Variants in SH3YL1 observed in about 807,000 individuals in gnomAD.
SH3YL1 encodes SH3 and SYLF domain containing 1, also known as SH3 domain-containing YSC84-like protein 1.
Under a neutral mutation model 45.8 loss-of-function variants are expected in SH3YL1, and 41 were observed. The observed-to-expected ratio is 0.89, with a 90% CI of 0.70 to 1.16. SH3YL1 has a LOEUF of 1.16. Among genes scored for constraint, SH3YL1 ranks in the 50% most tolerant of loss-of-function variants. SH3YL1 has a pLI of 0.00. For missense variants in SH3YL1, 389 were observed against 409.6 expected (o/e 0.95, Z 0.43); for synonymous variants, 152 against 151.4 (o/e 1.00, Z -0.03).
chr2:231,033 C>T lies in SH3YL1; in HGVS notation c.692G>A (p.Arg231Lys). The change falls in exon 7 of 10, where the codon AGG (arginine) becomes AAG (lysine). Residue 231 changes from arginine to lysine, a missense_variant. Coordinates refer to ENST00000356150, the MANE Select transcript of SH3YL1 (RefSeq NM_015677.4). ...AAAACCAAACGGTACAGAAGACTTC[C>T]TCTGCTCCCTTGCTGCTTTTCTTGC... ...INARKAAREQ[R>K]KSSAKELPPK... 6.2e-7 allele frequency: 1 copy of T among 1,614,068 alleles called. No homozygotes were observed. The highest frequency in any genetic ancestry group is 8.5e-7 in the Non-Finnish European group (1 of 1,179,984).
chr2:262,866 G>T, intron 1 of SH3YL1: 1 of 446,440 alleles, frequency 2.2e-6, no homozygotes, highest in Non-Finnish European at 3.7e-6. Flanking sequence ...AAAAGATGAG[G>T]GGTAACATTT....
At chr2:234,479 C>T (rs575564706) in intron 4 of SH3YL1, among the ~76,000 whole-genome samples, 27 of 152,270 alleles carry the variant, frequency 1.8e-4, no homozygotes, top group African/African-American at 6.0e-4. Context: ...CAAACCTCAG[C>T]GAGCATTTAC....
Position 253,636 on chromosome 2 carries a change from A to G in SH3YL1, c.2-521T>C, listed in dbSNP as rs141171390. ...GAATAATCCACTCCGTGTTTAGCAT[A>G]TAATTGAAAAACAATTGTAAGTATC... is the stretch of plus-strand genomic sequence containing the variant. On this transcript the variant is annotated intron_variant, in intron 1 of 9. Coordinates refer to ENST00000356150, the MANE Select transcript of SH3YL1 (RefSeq NM_015677.4). Among the ~76,000 whole-genome samples, 314 of 152,342 alleles carry G rather than the reference A, an allele frequency of 2.1e-3. 1 individual carries two copies. In the South Asian group the frequency reaches 0.03, roughly 15 times the overall value.
chr2:240,326 C>A (rs190868430), intron 4 of SH3YL1: 1 of 152,324 alleles, frequency 6.6e-6, no homozygotes, highest in South Asian at 2.1e-4. Flanking sequence ...TCTGGAGCAA[C>A]GGCACAGAGA....
At position 233,182 on chromosome 2, in the gene SH3YL1, G is replaced by C. The variant is rs143830339; in HGVS notation, c.452C>G (p.Thr151Arg). Residue 151 changes from threonine to arginine, a missense_variant, in exon 6 of 10, where the codon ACG (threonine) becomes AGG (arginine). Physicochemically the swap from Thr to Arg is moderately conservative, Grantham distance 71. Transcript: ENST00000356150. ...VALRSSAAVF[T>R]YCKSRGLFAG... ...AAAGAGTCCCCTTGACTTGCAGTAC[G>C]TGAAGACGGCAGCGGAGCTTCTCAG... is the stretch of plus-strand genomic sequence containing the variant. 5.6e-6 allele frequency: 9 copies of C among 1,594,392 alleles called. No homozygotes were observed. The highest frequency in any genetic ancestry group is 6.8e-6 in the Non-Finnish European group (8 of 1,168,596).
At position 258,071 on chromosome 2, in the gene SH3YL1, T is replaced by C. The variant is rs539171332; in HGVS notation, c.2-4956A>G. 5.2e-5 allele frequency among the ~76,000 whole-genome samples: 8 copies of C among 152,382 alleles called. No homozygotes were observed. In the South Asian group the frequency reaches 1.0e-3, roughly 20 times the overall value. The stretch of plus-strand genomic sequence containing the variant: ...ATTACTGTAGCTTTGTAGTATAGTT[T>C]GAAGTCGGGTAGCATGATTCCTCCA... On this transcript the variant is annotated intron_variant, in intron 1 of 9. Coordinates refer to ENST00000356150, the MANE Select transcript of SH3YL1 (RefSeq NM_015677.4).
At chr2:255,861 G>C (rs1434602185) in intron 1 of SH3YL1, 1 of 152,138 alleles carries the variant, frequency 6.6e-6, no homozygotes, top group East Asian at 1.9e-4. Flanking sequence ...AAAACAAGTG[G>C]CATCACAGCA....
rs1056413860 is a variant in SH3YL1, at chr2:249,747, C to T, written c.210G>A (p.Ala70=). The change falls in exon 3 of 10, where the codon GCG becomes GCA. Residue 70 remains alanine, a synonymous_variant. Coordinates refer to ENST00000356150, the MANE Select transcript of SH3YL1 (RefSeq NM_015677.4). ...CCAACTTACTTCCATCTGGAAGGCG[C>T]GCCACTACAATCCCGCTGCCTCCTC... ...TARGGSGIVV[A]RLPDGKWSAP... is the part of the protein sequence containing the mutation. The T allele has an allele frequency of 1.9e-5, 30 of 1,551,448 alleles. No homozygotes were observed. Among genetic ancestry groups the T allele is most frequent in the East Asian group, 7.3e-5 (3 of 40,940 alleles).
At chr2:220,642 C>T (rs1043442517) in intron 9 of SH3YL1, among the ~76,000 whole-genome samples, 22 of 152,342 alleles carry the variant, frequency 1.4e-4, no homozygotes, top group Non-Finnish European at 2.2e-4. Context: ...GGGTACCGGG[C>T]AGGCGCTCAC....
At chr2:231,920 C>T (rs1478077647) in intron 6 of SH3YL1, among the ~76,000 whole-genome samples, 1 of 151,964 alleles carries the variant, frequency 6.6e-6, no homozygotes, top group Admixed American at 6.6e-5. Context: ...TTAAATAGTG[C>T]TGTTCAGTTC....
intron 4 of SH3YL1, among the ~76,000 whole-genome samples, chr2:247,120 T>C (rs1668854337): frequency 6.6e-6 from 1 of 152,172 alleles, no homozygotes; most frequent in South Asian, 2.1e-4. Flanking sequence ...TTAAAGAATG[T>C]GGAGGGATTT....
At chr2:247,185 C>T (rs1188761948) in intron 4 of SH3YL1, among the ~76,000 whole-genome samples, 1 of 152,208 alleles carries the variant, frequency 6.6e-6, no homozygotes, top group Non-Finnish European at 1.5e-5. Context: ...GCACTGCCCA[C>T]GTAATTTCAA....
chr2:260,931 G>A (rs1669565029), intron 1 of SH3YL1: 1 of 151,982 alleles, frequency 6.6e-6, no homozygotes, highest in Admixed American at 6.6e-5. Flanking sequence ...TTGGACTTGG[G>A]AATCAGATGC....
chr2:252,827 G>A (rs1444665779), intron 2 of SH3YL1, among the ~76,000 whole-genome samples, 178 bp downstream of exon 2: 5 of 152,180 alleles, frequency 3.3e-5, no homozygotes, highest in Non-Finnish European at 7.3e-5. Flanking sequence ...TGAACAGGTA[G>A]TAGTTTCCAA....
chr2:232,922 T>A (rs1668113561), intron 6 of SH3YL1, 179 bp downstream of exon 6: 1 of 425,126 alleles, frequency 2.4e-6, no homozygotes, highest in Non-Finnish European at 3.8e-6. Context: ...TTTTCATGTG[T>A]CTTCTGCATT....
intron 4 of SH3YL1, chr2:240,630 T>G (rs2085852): frequency 0.3 from 45,773 of 152,030 alleles, 7,566 homozygotes; most frequent in East Asian, 0.59. Flanking sequence ...CAATTTTAAC[T>G]GGATCAAACT....
chr2:224,005 A>G (rs1667689106), intron 9 of SH3YL1, among the ~76,000 whole-genome samples: 2 of 152,202 alleles, frequency 1.3e-5, no homozygotes, highest in South Asian at 2.1e-4. Flanking sequence ...TTTTATCTGC[A>G]TGATATAAAT....
At chr2:228,092 A>C (rs1226068681) in intron 8 of SH3YL1, among the ~76,000 whole-genome samples, 2 of 152,206 alleles carry the variant, frequency 1.3e-5, no homozygotes, top group Non-Finnish European at 1.5e-5. Flanking sequence ...CGCATGGAAA[A>C]ACTGTAGTGG....
intron 2 of SH3YL1, among the ~76,000 whole-genome samples, chr2:251,287 C>T (rs1201128310): frequency 2.6e-5 from 4 of 152,132 alleles, no homozygotes; most frequent in African/African-American, 9.7e-5. Flanking sequence ...CCAAACACAC[C>T]ACTGGGAAGG....
Sources: allele counts gnomAD v4.1 joint callset (sites outside exome capture counted in the v4.1 genomes callset), GRCh38; gene constraint gnomAD v4.1.1; transcripts MANE v1.5; gene names NCBI Gene and HGNC (gene_info 2026-07-23, HGNC 2026-07-21).